The following BTBD1 variants were observed in gnomAD, a reference collection of about 807,000 sequenced individuals.
BTBD1 encodes the protein BTB domain containing 1.
A neutral mutation model predicts 48.0 loss-of-function variants in BTBD1; 34 were observed. The ratio of observed to expected loss-of-function variants is 0.71; its 90% confidence interval spans 0.54 to 0.94. The LOEUF (loss-of-function observed/expected upper bound fraction) is 0.94, where lower values mean the gene tolerates loss of function less well. BTBD1 is among the 40% of genes least tolerant of loss of function. The pLI is 0.00. For missense variants in BTBD1, 543 were observed against 625.6 expected, an observed-to-expected ratio of 0.87 and a Z score of 1.41; for synonymous variants, 261 against 242.1, an observed-to-expected ratio of 1.08 and a Z score of -0.72.
intron 6 of BTBD1, chr15:83,020,100 C>CA (rs747007198): frequency 0.014 from 1,862 of 132,796 alleles, 20 homozygotes; most frequent in Non-Finnish European, 0.02. Context: ...CACAGCGAGA[C>CA]AAAAAAAAAA....
chr15:83,033,355 A>C (rs549097422), intron 4 of BTBD1, among the ~76,000 whole-genome samples: 1 of 152,334 alleles, frequency 6.6e-6, no homozygotes, highest in East Asian at 1.9e-4. Context: ...CCCAGATAGA[A>C]GCACACATCT....
At chr15:83,057,511 C>G (rs75260352) in intron 1 of BTBD1, among the ~76,000 whole-genome samples, 3,432 of 152,328 alleles carry the variant, frequency 0.023, 58 homozygotes, top group Middle Eastern at 0.041. Flanking sequence ...TTATTTCCCT[C>G]TGCATTTTGG....
chr15:83,024,882 G>A (rs544266545), intron 5 of BTBD1, among the ~76,000 whole-genome samples: 10 of 152,192 alleles, frequency 6.6e-5, no homozygotes, highest in South Asian at 2.1e-4. Context: ...GATTACAGGC[G>A]TGAGCCAGTA....
At chr15:83,051,621 G>A (rs1267710374) in intron 2 of BTBD1, among the ~76,000 whole-genome samples, 1 of 151,036 alleles carries the variant, frequency 6.6e-6, no homozygotes, top group African/African-American at 2.4e-5. Context: ...ATAAATTTTA[G>A]CACTAAATAA....
intron 3 of BTBD1, among the ~76,000 whole-genome samples, chr15:83,046,637 C>T (rs992624502): frequency 7.1e-6 from 1 of 141,262 alleles, no homozygotes; most frequent in African/African-American, 2.7e-5. Flanking sequence ...CACTGAAGAA[C>T]AAATGAAGCA....
intron 2 of BTBD1, among the ~76,000 whole-genome samples, chr15:83,052,812 T>G (rs1423875704): frequency 7.0e-6 from 1 of 143,236 alleles, no homozygotes; most frequent in South Asian, 2.2e-4. Context: ...TTTTTTTTTT[T>G]TTTTTTTTTA....
intron 2 of BTBD1, among the ~76,000 whole-genome samples, chr15:83,052,797 ATTTT>A (rs398028150): frequency 1.1e-5 from 1 of 94,546 alleles, no homozygotes. Context: ...CGCCCGGCTA[ATTTT>A]TTTTTTTTTT....
intron 5 of BTBD1, among the ~76,000 whole-genome samples, chr15:83,023,538 T>C (rs940671461): frequency 2.6e-5 from 4 of 151,970 alleles, no homozygotes; most frequent in African/African-American, 7.3e-5. Context: ...TGCCACTACA[T>C]GCTGCTAATT....
intron 1 of BTBD1, chr15:83,061,848 A>G (rs1042764670): frequency 1.3e-5 from 2 of 152,242 alleles, no homozygotes; most frequent in African/African-American, 2.4e-5. Context: ...TTAAGTCACT[A>G]CGCATTCCAG....
intron 1 of BTBD1, among the ~76,000 whole-genome samples, chr15:83,063,359 T>C (rs2033205930): frequency 6.6e-6 from 1 of 152,172 alleles, no homozygotes; most frequent in Admixed American, 6.5e-5. Flanking sequence ...AAATTCATAT[T>C]TCTGTCTACT....
chr15:83,044,312 A>G, intron 3 of BTBD1: 2 of 932,706 alleles, frequency 2.1e-6, no homozygotes, highest in Non-Finnish European at 3.3e-6. Flanking sequence ...GTTCGACAGC[A>G]AGCTGCCCAC....
chr15:83,041,653 T>C (rs1418880104), intron 4 of BTBD1, 75 bp downstream of exon 4: 2 of 1,384,138 alleles, frequency 1.4e-6, no homozygotes, highest in African/African-American at 1.4e-5. Context: ...GGATTATAGG[T>C]GTGAGCCACC....
chr15:83,061,473 A>G (rs1302109691), intron 1 of BTBD1: 2 of 152,190 alleles, frequency 1.3e-5, no homozygotes, highest in East Asian at 3.8e-4. Flanking sequence ...TCTTGTGTTC[A>G]TGTCCTTACA....
intron 2 of BTBD1, among the ~76,000 whole-genome samples, chr15:83,054,444 T>C (rs2033047498): frequency 6.6e-6 from 1 of 152,210 alleles, no homozygotes; most frequent in Non-Finnish European, 1.5e-5. Context: ...GCTTGGGGTC[T>C]GGCATACGTG....
chr15:83,017,846 T>C lies in BTBD1; in HGVS notation c.*221A>G, dbSNP rs1596418269. 1.0e-5 allele frequency: 3 copies of C among 291,656 alleles called. No homozygotes were observed. The East Asian group carries it at 1.8e-4, about 18-fold the overall frequency. The allele number at this position is 291,656 out of a possible 1,614,324, so 18.1% of individuals were successfully genotyped here. The stretch of plus-strand genomic sequence containing the variant: ...AAAAGCTGTGCTTTTTTTTAAACCA[T>C]TAAACCCAGTTCTTTTCTCTTAAAG... On this transcript the variant is annotated 3_prime_UTR_variant, in exon 8 of 8. Coordinates refer to ENST00000261721, the MANE Select transcript of BTBD1 (RefSeq NM_025238.4).
intron 3 of BTBD1, among the ~76,000 whole-genome samples, chr15:83,042,772 C>A (rs997062460): frequency 6.6e-6 from 1 of 152,296 alleles, no homozygotes; most frequent in Non-Finnish European, 1.5e-5. Context: ...TAAATAAACA[C>A]AAGTAAATTC....
intron 3 of BTBD1, among the ~76,000 whole-genome samples, chr15:83,049,560 G>A (rs1278319853): frequency 6.6e-6 from 1 of 152,060 alleles, no homozygotes; most frequent in African/African-American, 2.4e-5. Flanking sequence ...AGAAAAGATA[G>A]AAATCACATT....
intron 3 of BTBD1, among the ~76,000 whole-genome samples, chr15:83,043,901 AC>A (rs2032818932): frequency 6.6e-6 from 1 of 152,144 alleles, no homozygotes; most frequent in African/African-American, 2.4e-5. Context: ...CTCACTCAGA[AC>A]CCTTTTCCTC....
At chr15:83,037,754 C>T (rs577235312) in intron 4 of BTBD1, among the ~76,000 whole-genome samples, 6 of 152,172 alleles carry the variant, frequency 3.9e-5, no homozygotes, top group Non-Finnish European at 7.4e-5. Flanking sequence ...TATCTCTCTT[C>T]ACAGATGATA....
Sources: gnomAD v4.1 joint callset for allele counts (sites outside exome capture counted in the v4.1 genomes callset) on GRCh38, gnomAD v4.1.1 for gene constraint, MANE v1.5 for transcripts, NCBI Gene and HGNC (gene_info 2026-07-23, HGNC 2026-07-21) for gene names.